The following CFAP221 variants were observed in gnomAD, a reference collection of about 807,000 sequenced individuals.
The protein encoded by CFAP221 is cilia- and flagella-associated protein 221.
A neutral mutation model predicts 113.1 loss-of-function variants in CFAP221; 97 were observed. The observed-to-expected ratio is 0.86, with a 90% CI of 0.73 to 1.02. The LOEUF is 1.02. Ranked by LOEUF, CFAP221 falls within the 50% of genes least tolerant of loss-of-function variation. CFAP221 has a pLI of 0.00. For synonymous variants in CFAP221, 331 were observed against 354.4 expected, an observed-to-expected ratio of 0.93 and a Z score of 0.74; for missense variants, 1,025 against 1,013.4, an observed-to-expected ratio of 1.01 and a Z score of -0.16.
chr2:119,596,584 G>C (rs907200594), intron 7 of CFAP221, among the ~76,000 whole-genome samples: 5 of 152,166 alleles, frequency 3.3e-5, no homozygotes, highest in Admixed American at 2.0e-4. Context: ...TGATGAACAG[G>C]GATGAAACAG....
intron 8 of CFAP221, among the ~76,000 whole-genome samples, chr2:119,604,292 G>A (rs1448927164): frequency 1.3e-5 from 2 of 152,036 alleles, no homozygotes; most frequent in African/African-American, 4.8e-5. Flanking sequence ...AAATTAGCTG[G>A]GTGTAGTGGT....
chr2:119,559,808 G>A (rs1681093008), intron 4 of CFAP221, 33 bp downstream of exon 4: 2 of 1,494,890 alleles, frequency 1.3e-6, no homozygotes, highest in Non-Finnish European at 1.8e-6. Context: ...TTCTCCCACG[G>A]TGTGGTTGTC....
chr2:119,548,959 C>T, intron 2 of CFAP221, 126 bp from the exon 3 acceptor site: 1 of 564,504 alleles, frequency 1.8e-6, no homozygotes, highest in East Asian at 3.2e-5. Context: ...CAGCTGGATC[C>T]AATGTCTGCA....
intron 7 of CFAP221, among the ~76,000 whole-genome samples, chr2:119,596,309 C>A (rs1367924097): frequency 2.0e-5 from 3 of 152,160 alleles, no homozygotes; most frequent in Non-Finnish European, 2.9e-5. Flanking sequence ...CGCTGCACTT[C>A]CTGCAGCTCC....
chr2:119,649,512 A>G (rs191936774), intron 22 of CFAP221, among the ~76,000 whole-genome samples: 21 of 152,338 alleles, frequency 1.4e-4, no homozygotes, highest in Admixed American at 1.3e-3. Flanking sequence ...ACAGTAAGTC[A>G]GGCAAAGCAG....
chr2:119,571,977 C>G (rs573153922), intron 6 of CFAP221, among the ~76,000 whole-genome samples: 1 of 127,130 alleles, frequency 7.9e-6, no homozygotes, highest in South Asian at 2.4e-4. Flanking sequence ...TTGGGGCTGC[C>G]CCTTACTTTG....
At chr2:119,643,250 C>G (rs918127417) in intron 21 of CFAP221, among the ~76,000 whole-genome samples, 7 of 152,232 alleles carry the variant, frequency 4.6e-5, no homozygotes, top group African/African-American at 1.7e-4. Context: ...TTGCCCCTGA[C>G]AACTGTTTGT....
At chr2:119,635,657 T>A (rs1402961599) in intron 19 of CFAP221, among the ~76,000 whole-genome samples, 1 of 152,198 alleles carries the variant, frequency 6.6e-6, no homozygotes, top group Non-Finnish European at 1.5e-5. Context: ...AACTATGTAA[T>A]TTAAATGTGT....
At position 119,546,346 on chromosome 2, in the gene CFAP221, G is replaced by A. The variant is rs138792515; in HGVS notation, c.139+76G>A. ...AGCCAAAGTCCAGAGAGCATAATGGGACTTTTAGTGCTGATTTATCTATAT... is the reference window on the plus strand; with the variant it reads ...AGCCAAAGTCCAGAGAGCATAATGGAACTTTTAGTGCTGATTTATCTATAT... On this transcript the variant is annotated intron_variant, in intron 2 of 23. Transcript: ENST00000413369. 1,806 of 1,411,676 alleles carry A rather than the reference G, an allele frequency of 1.3e-3. 16 individuals carry two copies. In the African/African-American group the frequency reaches 0.022, roughly 18 times the overall value. 87.4% of individuals were successfully genotyped at this position (1,411,676 alleles called of 1,614,324 possible). A position where few individuals can be genotyped will look rare whatever the true frequency, so the allele number is the denominator to read the frequency against.
At chr2:119,605,355 A>G in intron 11 of CFAP221, 66 bp downstream of exon 11, 1 of 1,255,296 alleles carries the variant, frequency 8.0e-7, no homozygotes, top group Admixed American at 1.9e-5. Context: ...GATCTTTTAT[A>G]AATGAGAGAC....
chr2:119,620,973 C>A (rs1186944178), intron 14 of CFAP221, among the ~76,000 whole-genome samples: 3 of 149,366 alleles, frequency 2.0e-5, no homozygotes, highest in Admixed American at 2.0e-4. Flanking sequence ...GCCTGTAATC[C>A]CAGCACATTG....
At chr2:119,655,981 A>G (rs1473824146) in intron 23 of CFAP221, 2 of 217,660 alleles carry the variant, frequency 9.2e-6, no homozygotes, top group African/African-American at 4.6e-5. Context: ...ATTCATAAAG[A>G]TGAAAAACCA....
intron 7 of CFAP221, among the ~76,000 whole-genome samples, chr2:119,592,211 A>G (rs1459971276): frequency 3.3e-5 from 5 of 152,238 alleles, no homozygotes; most frequent in Non-Finnish European, 2.9e-5. Context: ...ATCATATGAT[A>G]TGTAAAAATG....
intron 7 of CFAP221, among the ~76,000 whole-genome samples, chr2:119,588,610 T>A (rs1219777455): frequency 2.0e-5 from 3 of 152,176 alleles, no homozygotes; most frequent in African/African-American, 7.2e-5. Context: ...GGCCTTTCCC[T>A]CCGTGCTCAG....
At chr2:119,578,727 A>G (rs528554605) in intron 6 of CFAP221, among the ~76,000 whole-genome samples, 10 of 152,318 alleles carry the variant, frequency 6.6e-5, no homozygotes, top group Non-Finnish European at 7.4e-5. Context: ...CATCGTGGAA[A>G]AAGTTAGCAT....
chr2:119,643,830 C>T lies in CFAP221; in HGVS notation c.2226-3128C>T, dbSNP rs944450248. Among the ~76,000 whole-genome samples the T allele has an allele frequency of 1.1e-4, 17 of 152,188 alleles. No homozygotes were observed. The South Asian group carries it at 2.7e-3, about 24-fold the overall frequency. ...AAAGTGCTGGGATTACAGGCGTGAG[C>T]CACCGTGACTGGCCAGGACATTAAA... On this transcript the variant is annotated intron_variant, in intron 21 of 23. Coordinates refer to ENST00000413369, the MANE Select transcript of CFAP221 (RefSeq NM_001271049.2).
chr2:119,619,384 G>A (rs1208038755), intron 14 of CFAP221, among the ~76,000 whole-genome samples: 1 of 152,220 alleles, frequency 6.6e-6, no homozygotes, highest in Non-Finnish European at 1.5e-5. Flanking sequence ...AGCTTCCAGA[G>A]GAAGAAACAG....
chr2:119,630,671 A>G lies in CFAP221; in HGVS notation c.1833A>G (p.Gly611=), dbSNP rs1686708745. ...AGCTTGCCCGAGCCCTAAAGCAAGG[A>G]GCTGAGGTAACACACCCCCATCTTC... ...PQKLARALKQ[G]AEDEVTTITA... Residue 611 remains glycine, a synonymous_variant, in exon 18 of 24, where the codon GGA becomes GGG. Coordinates refer to ENST00000413369, the MANE Select transcript of CFAP221 (RefSeq NM_001271049.2). 2 of 1,611,986 alleles carry G rather than the reference A, an allele frequency of 1.2e-6. No homozygotes were observed. The highest frequency in any genetic ancestry group is 1.7e-6 in the Non-Finnish European group (2 of 1,178,036).
rs1417193325 is a variant in CFAP221 at position 119,608,439 on chromosome 2, A to G, written c.1134-63A>G. 6.3e-6 allele frequency: 8 copies of G among 1,266,834 alleles called. No individual in the cohort carries two copies. The East Asian group carries it at 1.4e-4, about 22-fold the overall frequency. The allele number at this position is 1,266,834 out of a possible 1,614,324, so 78.5% of individuals were successfully genotyped here. ...GTTTTGGAATATAGTGAAATATTCC[A>G]TCCTAAAGTTGACTCTGGTATTCTG... On this transcript the variant is annotated intron_variant, in intron 11 of 23. Transcript: ENST00000413369.
Sources: gnomAD v4.1 joint callset for allele counts (sites outside exome capture counted in the v4.1 genomes callset) on GRCh38, gnomAD v4.1.1 for gene constraint, MANE v1.5 for transcripts, NCBI Gene and HGNC (gene_info 2026-07-23, HGNC 2026-07-21) for gene names.